KCNIP4: variants seen among roughly 807,000 people sequenced by gnomAD.
KCNIP4 encodes the protein Kv channel-interacting protein 4.
A neutral mutation model predicts 34.0 loss-of-function variants in KCNIP4; 12 were observed. The ratio of observed to expected loss-of-function variants is 0.35; its 90% CI spans 0.23 to 0.57. The LOEUF (loss-of-function observed/expected upper bound fraction) is 0.57, where lower values mean the gene tolerates loss of function less well. Ranked by LOEUF, KCNIP4 falls within the 20% of genes least tolerant of loss-of-function variation. The probability of loss-of-function intolerance (pLI) is 0.83; values close to 1 mark genes in which losing one functional copy is unlikely to be tolerated. For synonymous variants in KCNIP4, 124 were observed against 102.2 expected (o/e 1.21, Z -1.29); for missense variants, 238 against 311.7 (o/e 0.76, Z 1.78).
chr4:21,216,439 G>T (rs986961341), intron 1 of KCNIP4, among the ~76,000 whole-genome samples: 6 of 152,148 alleles, frequency 3.9e-5, no homozygotes, highest in African/African-American at 1.4e-4. Flanking sequence ...GAGTAAATTT[G>T]TCATCTTGGG....
At chr4:21,714,476 A>G (rs1050118536) in intron 1 of KCNIP4, among the ~76,000 whole-genome samples, 1 of 149,386 alleles carries the variant, frequency 6.7e-6, no homozygotes. Context: ...AGAGTCAGAC[A>G]CAGGGAGGAA....
At chr4:21,853,776 G>A (rs1478661596) in intron 1 of KCNIP4, among the ~76,000 whole-genome samples, 1 of 152,184 alleles carries the variant, frequency 6.6e-6, no homozygotes, top group Non-Finnish European at 1.5e-5. Context: ...ACAAGGTTAA[G>A]CATGAAGATA....
intron 1 of KCNIP4, among the ~76,000 whole-genome samples, chr4:20,962,832 T>C (rs144356585): frequency 3.9e-5 from 6 of 152,318 alleles, no homozygotes; most frequent in African/African-American, 1.4e-4. Flanking sequence ...GTGAAATCTC[T>C]AAAAGCCCTA....
intron 1 of KCNIP4, among the ~76,000 whole-genome samples, chr4:21,048,824 T>C (rs1441823561): frequency 6.6e-6 from 1 of 152,012 alleles, no homozygotes; most frequent in East Asian, 1.9e-4. Context: ...TCCACTTTCT[T>C]CCTAGTGGGG....
rs779652585 is a variant in KCNIP4 at position 21,519,530 on chromosome 4, GTGTA to G, written c.61+429037_61+429040del. ...TGTGTATATACACATATGTGTGTATGTGTATGTGTATATACACATATGTGTGTAT... is the reference window on the plus strand; with the variant it reads ...TGTGTATATACACATATGTGTGTATGTGTGTATATACACATATGTGTGTAT... On this transcript the variant is annotated intron_variant, in intron 1 of 8. Coordinates refer to ENST00000382152, the MANE Select transcript of KCNIP4 (RefSeq NM_025221.6). 1.3e-4 allele frequency among the ~76,000 whole-genome samples: 5 copies of G among 38,340 alleles called. 1 individual carries two copies. Among genetic ancestry groups the G allele is most frequent in the African/African-American group, 1.2e-4 (1 of 8,150 alleles). 25.2% of individuals were successfully genotyped at this position (38,340 alleles called of 152,430 possible).
intron 8 of KCNIP4, chr4:20,731,263 A>G (rs926447930): frequency 2.8e-6 from 1 of 357,928 alleles, no homozygotes; most frequent in Admixed American, 6.5e-5. Flanking sequence ...AGAGATAGAT[A>G]GGGTCTTGCT....
chr4:21,541,558 C>T (rs1259989351), intron 1 of KCNIP4, among the ~76,000 whole-genome samples: 4 of 152,166 alleles, frequency 2.6e-5, no homozygotes, highest in African/African-American at 9.7e-5. Context: ...AGGCTTCAGA[C>T]CCCTCCACTG....
At chr4:20,986,115 G>A (rs569828684) in intron 1 of KCNIP4, among the ~76,000 whole-genome samples, 2 of 152,178 alleles carry the variant, frequency 1.3e-5, no homozygotes, top group African/African-American at 2.4e-5. Context: ...CTCTTCAGAG[G>A]CTCTGCAAGG....
chr4:20,792,737 T>A (rs147059609), intron 3 of KCNIP4, among the ~76,000 whole-genome samples: 2,723 of 152,238 alleles, frequency 0.018, 29 homozygotes, highest in Non-Finnish European at 0.027. Context: ...ATAGATCTAA[T>A]AATATAGATT....
At chr4:21,219,824 T>C (rs1363063829) in intron 1 of KCNIP4, among the ~76,000 whole-genome samples, 3 of 151,122 alleles carry the variant, frequency 2.0e-5, no homozygotes, top group Non-Finnish European at 4.4e-5. Context: ...AATTGATTCC[T>C]TTTAAGAAAA....
intron 1 of KCNIP4, among the ~76,000 whole-genome samples, chr4:21,344,698 T>G (rs993696355): frequency 6.6e-6 from 1 of 152,132 alleles, no homozygotes. Flanking sequence ...AAATCCCCGA[T>G]ATGTAGGCAG....
intron 1 of KCNIP4, among the ~76,000 whole-genome samples, chr4:21,306,971 C>A (rs890046039): frequency 6.6e-6 from 1 of 152,016 alleles, no homozygotes; most frequent in Non-Finnish European, 1.5e-5. Context: ...TACAGGCATG[C>A]ACCACCACAC....
intron 1 of KCNIP4, among the ~76,000 whole-genome samples, chr4:21,755,639 A>C (rs942617477): frequency 3.9e-5 from 6 of 152,174 alleles, no homozygotes; most frequent in African/African-American, 1.4e-4. Flanking sequence ...ACATTTATTT[A>C]GACATAACTA....
intron 2 of KCNIP4, among the ~76,000 whole-genome samples, chr4:20,864,685 T>C (rs1397819920): frequency 6.6e-6 from 1 of 152,060 alleles, no homozygotes; most frequent in Non-Finnish European, 1.5e-5. Flanking sequence ...AAAAGGGCTC[T>C]AAGCAGAAAA....
chr4:21,522,748 C>T (rs930090778), intron 1 of KCNIP4, among the ~76,000 whole-genome samples: 1 of 151,466 alleles, frequency 6.6e-6, no homozygotes, highest in African/African-American at 2.4e-5. Flanking sequence ...AAAGCGTTAT[C>T]TGTAAAGTGA....
At chr4:21,121,292 T>C (rs1187906631) in intron 1 of KCNIP4, among the ~76,000 whole-genome samples, 1 of 152,214 alleles carries the variant, frequency 6.6e-6, no homozygotes, top group Non-Finnish European at 1.5e-5. Context: ...TATAGGAGCT[T>C]TTACACTTAG....
chr4:21,126,617 C>CAAAAAAAAAAAAA (rs71655615), intron 1 of KCNIP4, among the ~76,000 whole-genome samples: 13 of 82,040 alleles, frequency 1.6e-4, no homozygotes, highest in African/African-American at 3.8e-4. Context: ...AGAGAAATAG[C>CAAAAAAAAAAAAA]AAAAAAAAAA....
At chr4:20,800,571 A>G (rs1000634319) in intron 3 of KCNIP4, among the ~76,000 whole-genome samples, 1 of 152,220 alleles carries the variant, frequency 6.6e-6, no homozygotes, top group Non-Finnish European at 1.5e-5. Flanking sequence ...GAAATTCAAC[A>G]GAGAGATATA....
intron 1 of KCNIP4, among the ~76,000 whole-genome samples, chr4:20,916,521 C>T (rs1728829743): frequency 6.6e-6 from 1 of 152,062 alleles, no homozygotes; most frequent in Non-Finnish European, 1.5e-5. Flanking sequence ...GAATTTTCCA[C>T]GAACACATGA....
Sources: gnomAD v4.1 joint callset for allele counts (sites outside exome capture counted in the v4.1 genomes callset) on GRCh38, gnomAD v4.1.1 for gene constraint, MANE v1.5 for transcripts, NCBI Gene and HGNC (gene_info 2026-07-23, HGNC 2026-07-21) for gene names.